The following ASB15 variants were observed in gnomAD, a reference collection of about 807,000 sequenced individuals.
ASB15 encodes ankyrin repeat and SOCS box containing 15.
Under a neutral mutation model 58.0 loss-of-function variants are expected in ASB15, and 54 were observed. The ratio of observed to expected loss-of-function variants is 0.93; its 90% confidence interval spans 0.75 to 1.17. The LOEUF (loss-of-function observed/expected upper bound fraction) is 1.17. Among genes scored for constraint, ASB15 ranks in the 50% most tolerant of loss-of-function variants. ASB15 has a pLI of 0.00. For missense variants in ASB15, 680 were observed against 707.4 expected (o/e 0.96, Z 0.44); for synonymous variants, 249 against 262.4 (o/e 0.95, Z 0.50).
At chr7:123,593,172 T>C (rs551321911) in intron 1 of ASB15, among the ~76,000 whole-genome samples, 20 of 152,206 alleles carry the variant, frequency 1.3e-4, no homozygotes, top group Non-Finnish European at 2.5e-4. Flanking sequence ...TGTCTTTGCA[T>C]GTGAGATGGG....
intron 1 of ASB15, among the ~76,000 whole-genome samples, chr7:123,592,612 T>C (rs964752358): frequency 5.3e-5 from 8 of 152,342 alleles, no homozygotes; most frequent in African/African-American, 1.9e-4. Flanking sequence ...AGTTTCTTAA[T>C]CCTTATTTCT....
chr7:123,570,576 C>G (rs1429662642), intron 1 of ASB15, among the ~76,000 whole-genome samples: 1 of 152,200 alleles, frequency 6.6e-6, no homozygotes, highest in African/African-American at 2.4e-5. Flanking sequence ...CTCACTCACT[C>G]TAGCAGGCAT....
intron 1 of ASB15, among the ~76,000 whole-genome samples, chr7:123,603,634 A>G (rs1256351724): frequency 6.6e-6 from 1 of 152,202 alleles, no homozygotes; most frequent in Non-Finnish European, 1.5e-5. Context: ...TTAAGGACAT[A>G]TAGAAGGCAT....
chr7:123,624,545 T>C (rs749833044), intron 7 of ASB15, 24 bp from the exon 8 acceptor site: 1 of 1,598,492 alleles, frequency 6.3e-7, no homozygotes, highest in Admixed American at 1.7e-5. Flanking sequence ...ATACTTACTG[T>C]TGTTTTTAAC....
chr7:123,575,255 A>G (rs1274769459), intron 1 of ASB15, among the ~76,000 whole-genome samples: 1 of 152,090 alleles, frequency 6.6e-6, no homozygotes, highest in Non-Finnish European at 1.5e-5. Context: ...GGAAAAAACA[A>G]TGAAACTATC....
chr7:123,575,706 A>G (rs777057092), intron 1 of ASB15, among the ~76,000 whole-genome samples: 5 of 150,932 alleles, frequency 3.3e-5, no homozygotes, highest in Non-Finnish European at 7.4e-5. Context: ...GTTTGCTTAT[A>G]TTTTCTTTAC....
intron 1 of ASB15, among the ~76,000 whole-genome samples, chr7:123,584,308 CAAAAAA>C (rs59126257): frequency 4.0e-5 from 4 of 99,504 alleles, no homozygotes; most frequent in South Asian, 3.5e-4. Context: ...AAGGCCTTGT[CAAAAAA>C]AAAAAAAAAA....
chr7:123,589,147 G>T (rs1026437767), intron 1 of ASB15, among the ~76,000 whole-genome samples: 1 of 151,736 alleles, frequency 6.6e-6, no homozygotes. Context: ...GAGTATTGAA[G>T]TCCCCTACTA....
intron 1 of ASB15, among the ~76,000 whole-genome samples, chr7:123,576,986 C>T (rs948243882): frequency 4.6e-5 from 7 of 152,014 alleles, no homozygotes; most frequent in Admixed American, 4.6e-4. Flanking sequence ...CTTTTGCAGC[C>T]GTGGTCAAAC....
chr7:123,593,063 G>A (rs1256784412), intron 1 of ASB15, among the ~76,000 whole-genome samples: 4 of 151,850 alleles, frequency 2.6e-5, no homozygotes, highest in African/African-American at 9.7e-5. Flanking sequence ...TTGGTTTAAA[G>A]TTTGTTTTAT....
At chr7:123,628,218 T>C (rs1310004709) in intron 9 of ASB15, among the ~76,000 whole-genome samples, 1 of 152,178 alleles carries the variant, frequency 6.6e-6, no homozygotes, top group African/African-American at 2.4e-5. Flanking sequence ...AATAATTCAA[T>C]TGCAAGTTAT....
At chr7:123,622,145 T>C (rs963680234) in intron 7 of ASB15, among the ~76,000 whole-genome samples, 1 of 152,162 alleles carries the variant, frequency 6.6e-6, no homozygotes, top group Non-Finnish European at 1.5e-5. Flanking sequence ...TTCCCTAAAC[T>C]CTTCAACTTA....
At chr7:123,569,834 G>T (rs1798857982) in intron 1 of ASB15, among the ~76,000 whole-genome samples, 1 of 151,994 alleles carries the variant, frequency 6.6e-6, no homozygotes, top group Non-Finnish European at 1.5e-5. Flanking sequence ...TAATTTCTTT[G>T]GCAAGTTACA....
chr7:123,604,633 A>C (rs1203798673), intron 2 of ASB15, among the ~76,000 whole-genome samples: 1 of 151,970 alleles, frequency 6.6e-6, no homozygotes, highest in Non-Finnish European at 1.5e-5. Context: ...GGAGATAGCA[A>C]ACTCCCTGAC....
chr7:123,629,324 A>G lies in ASB15; in HGVS notation c.1330A>G (p.Met444Val), dbSNP rs766591373. The change falls in exon 10 of 12, where the codon ATG (methionine) becomes GTG (valine). Residue 444 changes from methionine to valine, a missense_variant. Transcript: ENST00000451215. The part of the protein sequence containing the change: ...LLLNNGYQVE[M>V]CFDCMHGDIF... ...GCTGAATAATGGCTATCAAGTGGAG[A>G]TGTGCTTTGACTGCATGCATGGTGA... 6 of 1,613,932 alleles carry G rather than the reference A, an allele frequency of 3.7e-6. No homozygotes were observed. The Admixed American group carries it at 1.0e-4, about 27-fold the overall frequency.
At chr7:123,567,505 C>G (rs1040263206) in intron 1 of ASB15, among the ~76,000 whole-genome samples, 1 of 152,168 alleles carries the variant, frequency 6.6e-6, no homozygotes, top group African/African-American at 2.4e-5. Flanking sequence ...GTTAGGACTT[C>G]CTACGCTGCT....
At chr7:123,593,378 A>G (rs1395026629) in intron 1 of ASB15, among the ~76,000 whole-genome samples, 2 of 151,840 alleles carry the variant, frequency 1.3e-5, no homozygotes, top group East Asian at 3.8e-4. Context: ...GATGGTCTTT[A>G]TAATTTGGCA....
Position 123,616,461 on chromosome 7 carries a change from A to G in ASB15, c.258A>G (p.Gln86=), listed in dbSNP as rs773950139. 13 of 1,612,766 alleles carry G rather than the reference A, an allele frequency of 8.1e-6. No individual in the cohort carries two copies. Among genetic ancestry groups the G allele is most frequent in the Non-Finnish European group, 1.1e-5 (13 of 1,179,080 alleles). ...TTCCATTGCATGAAGCTGTTGTTCA[A>G]CCCATTCAACAAATACTTGAGATTG... ...GWFPLHEAVV[Q]PIQQILEIVL... is the part of the protein sequence containing the mutation. The change falls in exon 6 of 12, where the codon CAA becomes CAG. Residue 86 remains glutamine, a synonymous_variant. Transcript: ENST00000451215.
In ASB15 at chr7:123,617,778, A is replaced by G. The variant is rs1166586910; in HGVS notation, c.451+41A>G. The stretch of plus-strand genomic sequence containing the variant: ...TTCTAGAACTTTTATAGTTTGAAAC[A>G]AAGAATAAGTATTTATTGGAAACCA... On this transcript the variant is annotated intron_variant, in intron 7 of 11. Transcript: ENST00000451215. 1.9e-6 allele frequency: 3 copies of G among 1,546,036 alleles called. No individual in the cohort carries two copies. The South Asian group carries it at 3.5e-5, about 18-fold the overall frequency.
Sources: gnomAD v4.1 joint callset for allele counts (sites outside exome capture counted in the v4.1 genomes callset) on GRCh38, gnomAD v4.1.1 for gene constraint, MANE v1.5 for transcripts, NCBI Gene and HGNC (gene_info 2026-07-23, HGNC 2026-07-21) for gene names.